NAALADL2: variants seen among roughly 807,000 people sequenced by gnomAD.
NAALADL2 encodes the protein N-acetylated alpha-linked acidic dipeptidase like 2.
Under a neutral mutation model 87.2 loss-of-function variants are expected in NAALADL2, and 76 were observed. The observed-to-expected ratio is 0.87, with a 90% CI of 0.72 to 1.05. The LOEUF is 1.05. Ranked by LOEUF, NAALADL2 falls within the 50% of genes least tolerant of loss-of-function variation. The probability of loss-of-function intolerance (pLI) is 0.00; values close to 1 mark genes in which losing one functional copy is unlikely to be tolerated. For missense variants in NAALADL2, 1,089 were observed against 945.8 expected (o/e 1.15, Z -1.99); for synonymous variants, 354 against 331.0 (o/e 1.07, Z -0.75).
Position 175,095,987 on chromosome 3 carries a change from G to A in NAALADL2, c.44-803G>A, listed in dbSNP as rs567180383. ...AGCTGTCATCCAAAGCTGTGCAGGG[G>A]AGAAGAACCTCCATCTGCCACTCCT... On this transcript the variant is annotated intron_variant, in intron 1 of 13. Transcript: ENST00000454872. 9.2e-5 allele frequency among the ~76,000 whole-genome samples: 14 copies of A among 152,204 alleles called. No homozygotes were observed. The South Asian group carries it at 2.7e-3, about 29-fold the overall frequency.
At chr3:174,861,260 A>C (rs562631725) in intron 1 of NAALADL2, among the ~76,000 whole-genome samples, 70 of 152,196 alleles carry the variant, frequency 4.6e-4, no homozygotes, top group Non-Finnish European at 8.5e-4. Flanking sequence ...AAGATTCTTA[A>C]GAGCACCTAT....
At position 175,314,694 on chromosome 3, in the gene NAALADL2, A is replaced by AGT. The variant is rs1307164853; in HGVS notation, c.940-9481_940-9480insGT. 3.6e-4 allele frequency among the ~76,000 whole-genome samples: 30 copies of AGT among 82,732 alleles called. 1 individual carries two copies. The highest frequency in any genetic ancestry group is 1.5e-3 in the African/African-American group (30 of 19,650). The allele number at this position is 82,732 out of a possible 152,430, so 54.3% of individuals were successfully genotyped here. The stretch of plus-strand genomic sequence containing the variant: ...TATATATATATATATATATATATAT[A>AGT]TATATATATATATATATATATATAT... On this transcript the variant is annotated intron_variant, in intron 4 of 13. Transcript: ENST00000454872.
intron 1 of NAALADL2, among the ~76,000 whole-genome samples, chr3:175,042,084 A>G (rs1754137562): frequency 6.6e-6 from 1 of 152,088 alleles, no homozygotes; most frequent in South Asian, 2.1e-4. Flanking sequence ...CATTTCTCCC[A>G]ACTCCTAACC....
chr3:175,718,223 T>TTTTTTTTTTTTTG, intron 11 of NAALADL2: 7 of 1,009,316 alleles, frequency 6.9e-6, no homozygotes, highest in African/African-American at 1.9e-5. Context: ...TTTTTTTTTT[T>TTTTTTTTTTTTTG]GATTAGTTGC....
intron 11 of NAALADL2, among the ~76,000 whole-genome samples, chr3:175,644,291 GTAATC>G (rs1164702404): frequency 6.6e-6 from 1 of 151,966 alleles, no homozygotes; most frequent in Non-Finnish European, 1.5e-5. Flanking sequence ...TCATTTCCAT[GTAATC>G]TAGTTTGCCA....
At chr3:175,610,021 C>A (rs1724395010) in intron 10 of NAALADL2, among the ~76,000 whole-genome samples, 1 of 152,066 alleles carries the variant, frequency 6.6e-6, no homozygotes, top group Non-Finnish European at 1.5e-5. Context: ...TTTATAATAT[C>A]TTTTCCAGCC....
chr3:175,570,514 C>A (rs1717899196), intron 9 of NAALADL2, among the ~76,000 whole-genome samples: 1 of 152,004 alleles, frequency 6.6e-6, no homozygotes, highest in African/African-American at 2.4e-5. Flanking sequence ...ACTGTAAAAA[C>A]CAGGAAAACC....
chr3:174,780,844 C>T (rs556787092), intron 3 of NAALADL2, among the ~76,000 whole-genome samples: 4 of 151,836 alleles, frequency 2.6e-5, no homozygotes, highest in South Asian at 2.1e-4. Context: ...GTTATTTTGC[C>T]CATTAGTTGA....
chr3:175,174,768 CATGTGTGTGTGTGTGTGTGTATATAT>C (rs950616075), intron 2 of NAALADL2, among the ~76,000 whole-genome samples: 1 of 112,824 alleles, frequency 8.9e-6, no homozygotes, highest in Non-Finnish European at 2.0e-5. Context: ...ATATGCTATT[CATGTGTGTGTGTGTGTGTGTATATAT>C]ATGTGTGTGT....
At chr3:174,442,760 G>C (rs1455700310) in intron 1 of NAALADL2, among the ~76,000 whole-genome samples, 1 of 152,158 alleles carries the variant, frequency 6.6e-6, no homozygotes, top group Non-Finnish European at 1.5e-5. Context: ...AGGTGAAACC[G>C]TAATAAGTGC....
intron 2 of NAALADL2, among the ~76,000 whole-genome samples, chr3:175,132,212 G>A (rs1488432989): frequency 2.5e-5 from 2 of 79,284 alleles, no homozygotes; most frequent in Non-Finnish European, 4.8e-5. Context: ...AGGGGCGGCC[G>A]GGCAGAGGCG....
At chr3:175,389,276 T>A (rs1768790362) in intron 5 of NAALADL2, among the ~76,000 whole-genome samples, 1 of 152,178 alleles carries the variant, frequency 6.6e-6, no homozygotes. Context: ...AGTGAAATTT[T>A]ATTATTTTTA....
chr3:175,366,130 T>C (rs1765536557), intron 5 of NAALADL2, among the ~76,000 whole-genome samples: 1 of 140,968 alleles, frequency 7.1e-6, no homozygotes, highest in Non-Finnish European at 1.6e-5. Context: ...GTCCTTGCGA[T>C]AGTTTACTGA....
chr3:175,275,317 ACTTTCTTAATGTTTTTAGG>A (rs936856796), intron 4 of NAALADL2, among the ~76,000 whole-genome samples: 3 of 152,182 alleles, frequency 2.0e-5, no homozygotes, highest in African/African-American at 7.2e-5. Context: ...AGAATAAGTG[ACTTTCTTAATGTTTTTAGG>A]ATTTCTTAAT....
chr3:175,802,183 T>C (rs1245028002), intron 13 of NAALADL2, among the ~76,000 whole-genome samples: 1 of 152,042 alleles, frequency 6.6e-6, no homozygotes, highest in African/African-American at 2.4e-5. Flanking sequence ...TTAGAAAACA[T>C]TGATGATACC....
intron 2 of NAALADL2, among the ~76,000 whole-genome samples, chr3:174,670,814 C>A (rs545742710): frequency 6.6e-6 from 1 of 151,982 alleles, no homozygotes; most frequent in East Asian, 1.9e-4. Context: ...AATCTGTGTC[C>A]CTGCCCAAAT....
At chr3:174,971,665 C>CTGTGTGTGTGTGTGTG (rs10662918) in intron 1 of NAALADL2, among the ~76,000 whole-genome samples, 196 of 144,802 alleles carry the variant, frequency 1.4e-3, no homozygotes, top group African/African-American at 4.7e-3. Flanking sequence ...GTATGCTAGA[C>CTGTGTGTGTGTGTGTG]TGTGTGTGTG....
chr3:174,686,202 A>C (rs1728027114), intron 2 of NAALADL2, among the ~76,000 whole-genome samples: 1 of 152,098 alleles, frequency 6.6e-6, no homozygotes, highest in African/African-American at 2.4e-5. Context: ...GGATTGCTGG[A>C]TTAAATGGTA....
At position 174,945,559 on chromosome 3, in the gene NAALADL2, C is replaced by A. The variant is rs147113746; in HGVS notation, c.43+86109C>A. 8.3e-3 allele frequency among the ~76,000 whole-genome samples: 1,269 copies of A among 152,248 alleles called. 20 individuals carry two copies. Among genetic ancestry groups the A allele is most frequent in the African/African-American group, 0.03 (1,233 of 41,560 alleles). On this transcript the variant is annotated intron_variant, in intron 1 of 13. Transcript: ENST00000454872. The stretch of plus-strand genomic sequence containing the variant: ...TTCCCTGAGGTTTTCCAAAGATATT[C>A]TTTAATAGAATTCTCAAACGTTTTG...
Sources: gnomAD v4.1 joint callset for allele counts (sites outside exome capture counted in the v4.1 genomes callset) on GRCh38, gnomAD v4.1.1 for gene constraint, MANE v1.5 for transcripts, NCBI Gene and HGNC (gene_info 2026-07-23, HGNC 2026-07-21) for gene names.